The following SRPX variants were observed in gnomAD, a reference collection of about 807,000 sequenced individuals.
SRPX encodes the protein sushi repeat containing protein X-linked.
Under a neutral mutation model 38.1 loss-of-function variants are expected in SRPX, and 24 were observed. The ratio of observed to expected loss-of-function variants is 0.63; its 90% CI spans 0.46 to 0.89. The LOEUF is 0.89. Among genes scored for constraint, SRPX ranks in the 40% least tolerant of loss-of-function variants. SRPX has a pLI of 0.00. For missense variants in SRPX, 416 were observed against 377.8 expected (o/e 1.10, Z -0.84); for synonymous variants, 184 against 153.8 (o/e 1.20, Z -1.45).
chrX:38,196,770 T>A (rs1939006480), intron 1 of SRPX, among the ~76,000 whole-genome samples: 1 of 111,964 alleles, frequency 8.9e-6, no homozygotes, highest in Non-Finnish European at 1.9e-5. Flanking sequence ...AATGAGCAGG[T>A]TACTTCTGGG....
intron 1 of SRPX, among the ~76,000 whole-genome samples, chrX:38,189,628 TC>T (rs1938858243): frequency 8.9e-6 from 1 of 111,898 alleles, no homozygotes; most frequent in Non-Finnish European, 1.9e-5. Flanking sequence ...GAAAGCCCTT[TC>T]CCTCCTCTCA....
At chrX:38,207,409 A>C (rs938555642) in intron 1 of SRPX, among the ~76,000 whole-genome samples, 1 of 111,981 alleles carries the variant, frequency 8.9e-6, no homozygotes, top group African/African-American at 3.2e-5. Context: ...GTTCTCACCA[A>C]GGGGCATTCA....
intron 1 of SRPX, among the ~76,000 whole-genome samples, chrX:38,202,294 G>A (rs1244012834): frequency 7.2e-5 from 8 of 110,773 alleles, no homozygotes; most frequent in Non-Finnish European, 1.5e-4. Context: ...TTTTTTCAGG[G>A]AGCTGTGGGA....
At position 38,199,978 on chromosome X, in the gene SRPX, C is replaced by T. The variant is rs1018020986; in HGVS notation, c.97+20718G>A. 2.7e-5 allele frequency among the ~76,000 whole-genome samples: 3 copies of T among 112,360 alleles called. No individual in the cohort carries two copies. The East Asian group carries it at 8.3e-4, about 31-fold the overall frequency. On this transcript the variant is annotated intron_variant, in intron 1 of 9. Transcript: ENST00000378533. ...TTTGAACAGAATGTAGATGTTAACA[C>T]AAATGTTTTCCAATCCTCAGTGTTA...
intron 9 of SRPX, among the ~76,000 whole-genome samples, chrX:38,152,884 C>T (rs910182227): frequency 4.5e-5 from 5 of 112,188 alleles, no homozygotes; most frequent in African/African-American, 1.6e-4. Flanking sequence ...ATAAAACCTA[C>T]TTTGAAAATA....
At chrX:38,175,696 C>A (rs1045401690) in intron 2 of SRPX, among the ~76,000 whole-genome samples, 1 of 111,017 alleles carries the variant, frequency 9.0e-6, no homozygotes, top group South Asian at 3.9e-4. Flanking sequence ...CTAATACTTT[C>A]GTCATATCAT....
At chrX:38,168,874 C>T (rs936606984) in intron 4 of SRPX, among the ~76,000 whole-genome samples, 2 of 111,921 alleles carry the variant, frequency 1.8e-5, no homozygotes, top group Non-Finnish European at 3.8e-5. Context: ...TGATCATAGC[C>T]GGGTGTGGTG....
intron 1 of SRPX, among the ~76,000 whole-genome samples, chrX:38,204,004 A>C (rs183972463): frequency 0.011 from 1,261 of 112,528 alleles, 8 homozygotes; most frequent in Middle Eastern, 0.028. Flanking sequence ...CAGTAGCCCC[A>C]TAAAATGAAA....
chrX:38,174,056 G>T, intron 3 of SRPX, 104 bp downstream of exon 3: 1 of 672,999 alleles, frequency 1.5e-6, no homozygotes. Context: ...TGATCATAAG[G>T]AGAATTTTTC....
At position 38,149,489 on chromosome X, in the gene SRPX, T is replaced by G; in HGVS notation, c.*222A>C. 3.0e-6 allele frequency: 1 copy of G among 330,298 alleles called. No individual in the cohort carries two copies. The highest frequency in any genetic ancestry group is 5.2e-6 in the Non-Finnish European group (1 of 194,104). 27.2% of individuals were successfully genotyped at this position (330,298 alleles called of 1,213,427 possible). ...ACAAAATCAAGCAGCCATGATGGAG[T>G]AAAGAAAGTTAGAAAGAGTAAATAT... On this transcript the variant is annotated 3_prime_UTR_variant, in exon 10 of 10. Transcript: ENST00000378533.
At chrX:38,183,697 A>G (rs751706027) in intron 1 of SRPX, among the ~76,000 whole-genome samples, 3 of 112,070 alleles carry the variant, frequency 2.7e-5, no homozygotes, top group East Asian at 5.6e-4. Flanking sequence ...ATAAAAGGCT[A>G]TCCCTCTAGA....
At chrX:38,179,697 C>T (rs893524541) in intron 1 of SRPX, among the ~76,000 whole-genome samples, 1 of 111,823 alleles carries the variant, frequency 8.9e-6, no homozygotes, top group Non-Finnish European at 1.9e-5. Context: ...TAGGAAAAGA[C>T]CCGCAACTAC....
chrX:38,196,810 C>G (rs1420847184), intron 1 of SRPX, among the ~76,000 whole-genome samples: 1 of 112,050 alleles, frequency 8.9e-6, no homozygotes, highest in African/African-American at 3.2e-5. Context: ...CACTGAGGAG[C>G]CTCTGAGGAA....
intron 6 of SRPX, 58 bp downstream of exon 6, chrX:38,160,875 A>G (rs780419586): frequency 8.5e-7 from 1 of 1,177,713 alleles, no homozygotes; most frequent in African/African-American, 1.8e-5. Flanking sequence ...TTGAGGACCT[A>G]CTTCCCTTTG....
At chrX:38,177,106 T>C (rs1569208353) in intron 2 of SRPX, among the ~76,000 whole-genome samples, 1 of 111,075 alleles carries the variant, frequency 9.0e-6, no homozygotes, top group Non-Finnish European at 1.9e-5. Flanking sequence ...CATGCATGTG[T>C]TTTAGGAAGA....
chrX:38,181,598 G>T (rs1488556358), intron 1 of SRPX, among the ~76,000 whole-genome samples: 1 of 111,520 alleles, frequency 9.0e-6, no homozygotes, highest in African/African-American at 3.3e-5. Flanking sequence ...TGAGTGATAG[G>T]AGGAGTTTCT....
chrX:38,167,907 T>G (rs1456748185), intron 4 of SRPX, among the ~76,000 whole-genome samples: 1 of 111,417 alleles, frequency 9.0e-6, no homozygotes, highest in East Asian at 2.8e-4. Flanking sequence ...ACTACAGGCA[T>G]GCACCACCAT....
chrX:38,190,312 A>C (rs1256436087), intron 1 of SRPX, among the ~76,000 whole-genome samples: 2 of 111,979 alleles, frequency 1.8e-5, no homozygotes, highest in Non-Finnish European at 3.8e-5. Context: ...GAAACACTGA[A>C]ATGAACATCA....
rs900762094 is a variant in SRPX at position 38,149,852 on chromosome X, T to C, written c.1254A>G (p.Leu418=). 3 of 1,208,619 alleles carry C rather than the reference T, an allele frequency of 2.5e-6. No homozygotes were observed. Among genetic ancestry groups the C allele is most frequent in the Non-Finnish European group, 3.4e-6 (3 of 894,742 alleles). Reference sequence around the variant, plus strand: ...CTTTGTCCATGCCATGCTTATCCACTAGCACCATACTGAAGGAGTAGAGTG... The same window carrying C: ...CTTTGTCCATGCCATGCTTATCCACCAGCACCATACTGAAGGAGTAGAGTG... The part of the protein sequence containing the change: ...RIPLYSFSMV[L]VDKHGMDKER... Residue 418 remains leucine, a synonymous_variant, in exon 10 of 10, where the codon CTA becomes CTG. Coordinates refer to ENST00000378533, the MANE Select transcript of SRPX (RefSeq NM_006307.5).
Sources: allele counts gnomAD v4.1 joint callset (sites outside exome capture counted in the v4.1 genomes callset), GRCh38; gene constraint gnomAD v4.1.1; transcripts MANE v1.5; gene names NCBI Gene and HGNC (gene_info 2026-07-23, HGNC 2026-07-21).